Variants in SMOC1 observed in about 807,000 individuals in gnomAD.
SMOC1 encodes SPARC-related modular calcium-binding protein 1.
Under a neutral mutation model 56.3 loss-of-function variants are expected in SMOC1, and 22 were observed. That is an observed-to-expected ratio of 0.39 (90% confidence interval 0.28 to 0.56). The LOEUF (loss-of-function observed/expected upper bound fraction) is 0.56, where lower values mean the gene tolerates loss of function less well. Ranked by LOEUF, SMOC1 falls within the 20% of genes least tolerant of loss-of-function variation. SMOC1 has a pLI of 0.61. For missense variants in SMOC1, 509 were observed against 565.4 expected (o/e 0.90, Z 1.01); for synonymous variants, 193 against 215.0 (o/e 0.90, Z 0.89).
chr14:70,025,089 G>T (rs1354753379), intron 11 of SMOC1, among the ~76,000 whole-genome samples: 1 of 152,194 alleles, frequency 6.6e-6, no homozygotes, highest in Non-Finnish European at 1.5e-5. Context: ...AGGAAGAGCA[G>T]GTTAAGTATA....
intron 7 of SMOC1, among the ~76,000 whole-genome samples, chr14:70,009,983 G>T (rs1410672870): frequency 2.0e-5 from 3 of 152,224 alleles, no homozygotes; most frequent in Non-Finnish European, 4.4e-5. Context: ...GAGATGCCCT[G>T]GAGCTGGCCA....
intron 1 of SMOC1, among the ~76,000 whole-genome samples, chr14:69,932,801 G>A (rs1885201363): frequency 1.3e-5 from 2 of 152,172 alleles, no homozygotes; most frequent in Non-Finnish European, 2.9e-5. Context: ...GGGGTGCAGA[G>A]CAAAGGCAGC....
chr14:69,957,128 G>A (rs1883216500), intron 3 of SMOC1, among the ~76,000 whole-genome samples: 1 of 152,144 alleles, frequency 6.6e-6, no homozygotes, highest in Non-Finnish European at 1.5e-5. Context: ...CCTGACATCT[G>A]TTCTATCAAG....
At chr14:69,906,515 T>A (rs1481773889) in intron 1 of SMOC1, among the ~76,000 whole-genome samples, 1 of 152,198 alleles carries the variant, frequency 6.6e-6, no homozygotes, top group Non-Finnish European at 1.5e-5. Flanking sequence ...AGCCTTTGAG[T>A]CCTCTGTGGA....
At chr14:69,990,607 G>C (rs1295992575) in intron 5 of SMOC1, among the ~76,000 whole-genome samples, 1 of 152,186 alleles carries the variant, frequency 6.6e-6, no homozygotes, top group African/African-American at 2.4e-5. Flanking sequence ...GGTGTTAATA[G>C]AGTCAGGGGA....
intron 10 of SMOC1, among the ~76,000 whole-genome samples, chr14:70,020,579 G>A (rs1566713939): frequency 6.6e-6 from 1 of 152,146 alleles, no homozygotes; most frequent in Non-Finnish European, 1.5e-5. Context: ...GCACTACCTG[G>A]AGGGGCTCAG....
chr14:69,943,498 T>A (rs1362307909), intron 1 of SMOC1, among the ~76,000 whole-genome samples: 1 of 152,154 alleles, frequency 6.6e-6, no homozygotes, highest in East Asian at 1.9e-4. Context: ...GAAACTACTC[T>A]CCATTCCCAA....
At chr14:70,004,687 A>ACTCT (rs933700721) in intron 7 of SMOC1, among the ~76,000 whole-genome samples, 1 of 150,276 alleles carries the variant, frequency 6.7e-6, no homozygotes, top group African/African-American at 2.4e-5. Context: ...TTAAAATATC[A>ACTCT]CTCTCTCTCT....
chr14:70,003,849 C>T (rs1468359968), intron 7 of SMOC1, among the ~76,000 whole-genome samples: 1 of 152,150 alleles, frequency 6.6e-6, no homozygotes, highest in Admixed American at 6.5e-5. Flanking sequence ...CTGCTTGCTA[C>T]ATCTTAGAGG....
chr14:69,883,443 T>C (rs1182711055), intron 1 of SMOC1, among the ~76,000 whole-genome samples: 1 of 152,218 alleles, frequency 6.6e-6, no homozygotes, highest in Non-Finnish European at 1.5e-5. Flanking sequence ...TCTACATTGT[T>C]GCAAATGACA....
chr14:69,980,541 C>T lies in SMOC1; in HGVS notation c.526+2576C>T, dbSNP rs183667515. ...GAGCAGGTTCGGGCCACCTGTAGGA[C>T]GCCACACCTGAAGCCACACCTGTCC... is the stretch of plus-strand genomic sequence containing the variant. On this transcript the variant is annotated intron_variant, in intron 5 of 11. Coordinates refer to ENST00000361956, the MANE Select transcript of SMOC1 (RefSeq NM_001034852.3). Among the ~76,000 whole-genome samples, 28 of 152,272 alleles carry T rather than the reference C, an allele frequency of 1.8e-4. No homozygotes were observed. The East Asian group carries it at 4.4e-3, about 24-fold the overall frequency.
intron 1 of SMOC1, among the ~76,000 whole-genome samples, chr14:69,932,141 G>C (rs1885181597): frequency 6.6e-6 from 1 of 152,210 alleles, no homozygotes; most frequent in Non-Finnish European, 1.5e-5. Context: ...AAGGGAACGG[G>C]AACACCCTTC....
chr14:69,989,965 C>A (rs577541709), intron 5 of SMOC1, among the ~76,000 whole-genome samples: 16 of 152,340 alleles, frequency 1.1e-4, no homozygotes, highest in African/African-American at 3.1e-4. Flanking sequence ...TGATTCCTGG[C>A]AGCAGGGCAT....
At chr14:69,920,366 T>C (rs1884805205) in intron 1 of SMOC1, among the ~76,000 whole-genome samples, 1 of 152,192 alleles carries the variant, frequency 6.6e-6, no homozygotes, top group Admixed American at 6.5e-5. Context: ...AATTAGGCAG[T>C]GCAGATGAGA....
At chr14:69,945,175 C>T (rs980147852) in intron 1 of SMOC1, among the ~76,000 whole-genome samples, 11 of 152,238 alleles carry the variant, frequency 7.2e-5, no homozygotes, top group African/African-American at 2.2e-4. Flanking sequence ...TGCTGTGTTA[C>T]GCCCTATGTA....
intron 10 of SMOC1, among the ~76,000 whole-genome samples, chr14:70,016,662 C>T (rs559080155): frequency 2.6e-5 from 4 of 152,148 alleles, no homozygotes; most frequent in Admixed American, 6.5e-5. Flanking sequence ...ACAACTTTGC[C>T]GGCCCCACCT....
chr14:69,933,945 C>T (rs867483532), intron 1 of SMOC1, among the ~76,000 whole-genome samples: 26 of 152,148 alleles, frequency 1.7e-4, no homozygotes, highest in Admixed American at 1.0e-3. Flanking sequence ...CTGATTTAGT[C>T]AATAATAGAA....
chr14:69,911,523 C>T (rs1269920913), intron 1 of SMOC1, among the ~76,000 whole-genome samples: 1 of 152,214 alleles, frequency 6.6e-6, no homozygotes, highest in East Asian at 1.9e-4. Context: ...TTGACTCCCT[C>T]TACCTTAACC....
intron 1 of SMOC1, among the ~76,000 whole-genome samples, chr14:69,917,777 G>T (rs1201003805): frequency 6.6e-6 from 1 of 152,130 alleles, no homozygotes; most frequent in Non-Finnish European, 1.5e-5. Context: ...CTTGCAGCAG[G>T]CCAGTGATCT....
Sources: gnomAD v4.1 joint callset for allele counts (sites outside exome capture counted in the v4.1 genomes callset) on GRCh38, gnomAD v4.1.1 for gene constraint, MANE v1.5 for transcripts, NCBI Gene and HGNC (gene_info 2026-07-23, HGNC 2026-07-21) for gene names.